PKP2: variants seen among roughly 807,000 people sequenced by gnomAD.
The protein encoded by PKP2 is plakophilin-2.
A neutral mutation model predicts 83.4 loss-of-function variants in PKP2; 73 were observed. The observed-to-expected ratio is 0.88, with a 90% CI of 0.72 to 1.06. The LOEUF is 1.06. Among genes scored for constraint, PKP2 ranks in the 50% least tolerant of loss-of-function variants. The probability of loss-of-function intolerance (pLI) is 0.00; values close to 1 mark genes in which losing one functional copy is unlikely to be tolerated. For synonymous variants in PKP2, 409 were observed against 430.4 expected (o/e 0.95, Z 0.62); for missense variants, 966 against 1,065.4 (o/e 0.91, Z 1.30).
intron 9 of PKP2, among the ~76,000 whole-genome samples, chr12:32,808,742 T>C (rs1948374312): frequency 6.6e-6 from 1 of 152,220 alleles, no homozygotes; most frequent in Non-Finnish European, 1.5e-5. Context: ...GTTGTTTTTT[T>C]CTTTTCACGG....
intron 5 of PKP2, 84 bp downstream of exon 5, chr12:32,850,682 A>C: frequency 9.6e-7 from 1 of 1,038,660 alleles, no homozygotes; most frequent in Non-Finnish European, 1.5e-6. Flanking sequence ...CATTTGCTCC[A>C]GGAAACTTAA....
chr12:32,826,592 T>C (rs1033671449), intron 6 of PKP2, among the ~76,000 whole-genome samples: 2 of 152,194 alleles, frequency 1.3e-5, no homozygotes, highest in Non-Finnish European at 2.9e-5. Flanking sequence ...TCTACTTCCT[T>C]ATTAATTTTT....
chr12:32,847,973 C>T (rs1449480789), intron 5 of PKP2, among the ~76,000 whole-genome samples: 2 of 152,266 alleles, frequency 1.3e-5, no homozygotes, highest in East Asian at 1.9e-4. Context: ...CACACCGTCC[C>T]TAGGCTGTGA....
intron 5 of PKP2, 127 bp from the exon 6 acceptor site, chr12:32,841,332 GC>G: frequency 1.4e-6 from 1 of 731,170 alleles, no homozygotes; most frequent in South Asian, 1.5e-5. Flanking sequence ...GGGTTGGGGG[GC>G]CAGCCTCTTT....
chr12:32,881,247 G>A (rs983436411), intron 1 of PKP2, among the ~76,000 whole-genome samples: 1 of 152,168 alleles, frequency 6.6e-6, no homozygotes, highest in Non-Finnish European at 1.5e-5. Flanking sequence ...TGAGGAGGCA[G>A]TGGCAGGCTT....
chr12:32,809,947 G>A (rs768111405), intron 9 of PKP2, among the ~76,000 whole-genome samples: 2 of 152,224 alleles, frequency 1.3e-5, no homozygotes, highest in Non-Finnish European at 2.9e-5. Context: ...AGTTGAAGGT[G>A]CTGAATTCAC....
chr12:32,796,971 T>C (rs1399529093), intron 10 of PKP2, among the ~76,000 whole-genome samples: 7 of 152,050 alleles, frequency 4.6e-5, no homozygotes, highest in Non-Finnish European at 7.4e-5. Context: ...CAGTACTACA[T>C]GTAACTGAAA....
At chr12:32,797,989 T>C (rs1956144346) in intron 10 of PKP2, among the ~76,000 whole-genome samples, 1 of 152,052 alleles carries the variant, frequency 6.6e-6, no homozygotes, top group Non-Finnish European at 1.5e-5. Context: ...AGACCCCGTC[T>C]CTATTTTAAA....
At chr12:32,887,307 C>T (rs886075924) in intron 1 of PKP2, among the ~76,000 whole-genome samples, 1 of 152,140 alleles carries the variant, frequency 6.6e-6, no homozygotes, top group Non-Finnish European at 1.5e-5. Flanking sequence ...ATCACTCACA[C>T]GATATACCAG....
Position 32,810,881 on chromosome 12 carries a change from C to T in PKP2, c.2014-8325G>A, listed in dbSNP as rs1448012638. Among the ~76,000 whole-genome samples, 4 of 41,064 alleles carry T rather than the reference C, an allele frequency of 9.7e-5. 2 individuals carry two copies. Among genetic ancestry groups the T allele is most frequent in the African/African-American group, 2.0e-4 (4 of 19,760 alleles). The allele number at this position is 41,064 out of a possible 152,430, so 26.9% of individuals were successfully genotyped here. On this transcript the variant is annotated intron_variant, in intron 9 of 12. Coordinates refer to ENST00000340811, the MANE Select transcript of PKP2 (RefSeq NM_001005242.3). ...TATTTTTAGTAGAGACGGGGTTTCACCGTTTTAGCCGGGATGGTCTCGATC... is the reference window on the plus strand; with the variant it reads ...TATTTTTAGTAGAGACGGGGTTTCATCGTTTTAGCCGGGATGGTCTCGATC...
chr12:32,800,270 A>G (rs1277382178), intron 10 of PKP2, among the ~76,000 whole-genome samples: 2 of 152,220 alleles, frequency 1.3e-5, no homozygotes, highest in African/African-American at 4.8e-5. Flanking sequence ...GACTGTCTCA[A>G]CTTCAGATGA....
At chr12:32,796,390 T>C in intron 10 of PKP2, 92 bp from the exon 11 acceptor site, 2 of 1,189,742 alleles carry the variant, frequency 1.7e-6, no homozygotes, top group East Asian at 5.1e-5. Context: ...GAACATTCTT[T>C]TTCTTTTTTT....
chr12:32,895,877 T>G (rs1341022343), intron 1 of PKP2, among the ~76,000 whole-genome samples: 1 of 152,146 alleles, frequency 6.6e-6, no homozygotes, highest in African/African-American at 2.4e-5. Flanking sequence ...AGGGCCAAAG[T>G]CCCCTACCTC....
rs531343546 is a variant in PKP2, at chr12:32,865,611, G to A, written c.1170+3316C>T. 6.1e-5 allele frequency among the ~76,000 whole-genome samples: 9 copies of A among 147,160 alleles called. No homozygotes were observed. The East Asian group carries it at 6.4e-4, about 10-fold the overall frequency. ...TGAGGCAGGAGAATAGCTTGAACCC[G>A]GGAGGCAGAGGCTGCAGTGAGGCAA... On this transcript the variant is annotated intron_variant, in intron 4 of 12. Coordinates refer to ENST00000340811, the MANE Select transcript of PKP2 (RefSeq NM_001005242.3).
At chr12:32,836,584 A>G (rs1406452841) in intron 6 of PKP2, among the ~76,000 whole-genome samples, 1 of 152,200 alleles carries the variant, frequency 6.6e-6, no homozygotes, top group Non-Finnish European at 1.5e-5. Flanking sequence ...TTTTTCTCCA[A>G]AATGGATGGA....
At chr12:32,822,286 C>CT (rs1956387294) in intron 8 of PKP2, among the ~76,000 whole-genome samples, 181 bp downstream of exon 8, 1 of 152,146 alleles carries the variant, frequency 6.6e-6, no homozygotes, top group African/African-American at 2.4e-5. Context: ...TACTGTGTCT[C>CT]TGTTTCCTCA....
intron 5 of PKP2, among the ~76,000 whole-genome samples, chr12:32,847,869 G>A (rs367767102): frequency 2.6e-4 from 40 of 152,186 alleles, no homozygotes; most frequent in African/African-American, 8.4e-4. Context: ...AGGAGGCTGA[G>A]GCAGGAGGAT....
At chr12:32,813,477 A>G (rs539378462) in intron 9 of PKP2, among the ~76,000 whole-genome samples, 18 of 152,124 alleles carry the variant, frequency 1.2e-4, no homozygotes, top group Non-Finnish European at 2.1e-4. Context: ...CTTTTTTTCA[A>G]TATTAAAAAT....
chr12:32,881,815 T>G (rs912798100), intron 1 of PKP2, among the ~76,000 whole-genome samples: 2 of 152,214 alleles, frequency 1.3e-5, no homozygotes, highest in African/African-American at 4.8e-5. Flanking sequence ...TATTATTTTA[T>G]GTTGGCTGAG....
Sources: gnomAD v4.1 joint callset for allele counts (sites outside exome capture counted in the v4.1 genomes callset) on GRCh38, gnomAD v4.1.1 for gene constraint, MANE v1.5 for transcripts, NCBI Gene and HGNC (gene_info 2026-07-23, HGNC 2026-07-21) for gene names.